Variants in SVIL observed in about 807,000 individuals in gnomAD.
The protein encoded by SVIL is supervillin, also known as archvillin.
SVIL carries 101 observed loss-of-function variants against 240.4 expected under a neutral mutation model. The ratio of observed to expected loss-of-function variants is 0.42; its 90% confidence interval spans 0.36 to 0.50. The LOEUF is 0.50. Ranked by LOEUF, SVIL falls within the 20% of genes least tolerant of loss-of-function variation. SVIL has a pLI of 0.01. For synonymous variants in SVIL, 999 were observed against 1,100.0 expected (o/e 0.91, Z 1.82); for missense variants, 2,512 against 2,818.7 (o/e 0.89, Z 2.46).
At chr10:29,625,114 G>A (rs1589413183) in intron 1 of SVIL, among the ~76,000 whole-genome samples, 1 of 151,734 alleles carries the variant, frequency 6.6e-6, no homozygotes, top group African/African-American at 2.4e-5. Flanking sequence ...CAAAGTTTCA[G>A]TTGTAAGTTA....
chr10:29,589,797 T>C (rs1589335751), intron 1 of SVIL, among the ~76,000 whole-genome samples: 1 of 152,152 alleles, frequency 6.6e-6, no homozygotes, highest in Admixed American at 6.5e-5. Context: ...AAACTGAAGA[T>C]AGTAATAAAA....
intron 6 of SVIL, among the ~76,000 whole-genome samples, chr10:29,547,126 G>A (rs114599638): frequency 6.6e-6 from 1 of 152,124 alleles, no homozygotes; most frequent in Non-Finnish European, 1.5e-5. Flanking sequence ...TCCCTAAATA[G>A]GAATCAGAAA....
At chr10:29,692,245 C>A (rs938931637) in intron 1 of SVIL, among the ~76,000 whole-genome samples, 2 of 152,174 alleles carry the variant, frequency 1.3e-5, no homozygotes, top group Non-Finnish European at 2.9e-5. Flanking sequence ...TTACTAGACT[C>A]ACTAACAACC....
intron 2 of SVIL, among the ~76,000 whole-genome samples, chr10:29,568,637 CATGATG>C (rs1342013954): frequency 3.3e-5 from 5 of 152,164 alleles, no homozygotes; most frequent in Admixed American, 3.3e-4. Flanking sequence ...CTCTTACATC[CATGATG>C]ATGTGTCATG....
At position 29,568,787 on chromosome 10, in the gene SVIL, GTGGA is replaced by G. The variant is rs10667163; in HGVS notation, c.-143+464_-143+467del. 3.9e-3 allele frequency among the ~76,000 whole-genome samples: 550 copies of G among 139,778 alleles called. 2 individuals carry two copies. Among genetic ancestry groups the G allele is most frequent in the Admixed American group, 8.2e-3 (108 of 13,150 alleles). 91.7% of individuals were successfully genotyped at this position (139,778 alleles called of 152,430 possible). On this transcript the variant is annotated intron_variant, in intron 2 of 37. Transcript: ENST00000355867. ...ATAACTCACATGGATGGGTGGATGGGTGGATGGATGGATGGATGGATGGATGGAT... is the reference window on the plus strand; with the variant it reads ...ATAACTCACATGGATGGGTGGATGGGTGGATGGATGGATGGATGGATGGAT...
At chr10:29,527,813 C>G (rs927848190) in intron 12 of SVIL, among the ~76,000 whole-genome samples, 1 of 150,270 alleles carries the variant, frequency 6.7e-6, no homozygotes, top group Non-Finnish European at 1.5e-5. Flanking sequence ...GCAGCCTCCA[C>G]CTCCTGGGTT....
chr10:29,537,721 G>T (rs923464718), intron 6 of SVIL, among the ~76,000 whole-genome samples: 4 of 152,142 alleles, frequency 2.6e-5, no homozygotes, highest in African/African-American at 9.7e-5. Flanking sequence ...AAATCATTTT[G>T]GTTTGAGTTT....
chr10:29,703,029 G>A (rs1052013405), intron 1 of SVIL, among the ~76,000 whole-genome samples: 6 of 152,074 alleles, frequency 3.9e-5, no homozygotes, highest in Admixed American at 1.3e-4. Flanking sequence ...TTAGGCTCTC[G>A]TCCAAGACAG....
At chr10:29,579,197 G>A (rs1031984520) in intron 1 of SVIL, among the ~76,000 whole-genome samples, 2 of 151,990 alleles carry the variant, frequency 1.3e-5, no homozygotes, top group African/African-American at 4.8e-5. Context: ...CAGCACTTTG[G>A]GAGGCCGAGG....
rs540861977 is a variant in SVIL, at chr10:29,486,199, A to G, written c.4665T>C (p.Tyr1555=). 17 of 1,614,248 alleles carry G rather than the reference A, an allele frequency of 1.1e-5. No individual in the cohort carries two copies. The African/African-American group carries it at 2.0e-4, about 19-fold the overall frequency. ...SAGDPKEDEL[Y]EAAIIETNCI... The stretch of plus-strand genomic sequence containing the variant: ...AGTTAGTTTCTATTATGGCTGCTTC[A>G]TAGAGTTCATCTTCTTTTGGGTCTC... Residue 1555 remains tyrosine, a synonymous_variant, in exon 26 of 38, where the codon TAT becomes TAC. Coordinates refer to ENST00000355867, the MANE Select transcript of SVIL (RefSeq NM_021738.3).
At chr10:29,589,360 G>A (rs1051869994) in intron 1 of SVIL, among the ~76,000 whole-genome samples, 42 of 152,288 alleles carry the variant, frequency 2.8e-4, no homozygotes, top group African/African-American at 7.7e-4. Context: ...ACAGTGTGGT[G>A]GGAATCTGGA....
At chr10:29,569,769 G>C (rs1021486828) in intron 1 of SVIL, among the ~76,000 whole-genome samples, 14 of 152,116 alleles carry the variant, frequency 9.2e-5, no homozygotes, top group African/African-American at 3.1e-4. Flanking sequence ...GAAGAGCAAA[G>C]GACAACTCAG....
At chr10:29,638,401 G>A (rs970622244), upstream of SVIL, among the ~76,000 whole-genome samples, 7 of 152,014 alleles carry the variant, frequency 4.6e-5, no homozygotes, top group Non-Finnish European at 8.8e-5. Flanking sequence ...GGGAGGCGGA[G>A]GTTGCAGTGA....
intron 1 of SVIL, among the ~76,000 whole-genome samples, chr10:29,633,060 C>T (rs1305478631): frequency 3.3e-5 from 5 of 151,782 alleles, no homozygotes; most frequent in African/African-American, 4.8e-5. Flanking sequence ...AGTGAAACCC[C>T]GTCTCTACTA....
At chr10:29,565,365 C>A (rs1218183129) in intron 2 of SVIL, among the ~76,000 whole-genome samples, 1 of 152,202 alleles carries the variant, frequency 6.6e-6, no homozygotes, top group Non-Finnish European at 1.5e-5. Flanking sequence ...ATAGTGCCAG[C>A]ACCCATGTGA....
intron 1 of SVIL, among the ~76,000 whole-genome samples, chr10:29,581,956 C>T: frequency 6.6e-6 from 1 of 152,164 alleles, no homozygotes; most frequent in East Asian, 1.9e-4. Flanking sequence ...GTGAAATAAG[C>T]CAGTCACCAA....
In SVIL at chr10:29,558,052, C is replaced by A. The variant is rs139956158; in HGVS notation, c.-50-2944G>T. Among the ~76,000 whole-genome samples, 340 of 152,270 alleles carry A rather than the reference C, an allele frequency of 2.2e-3. 2 individuals carry two copies. The highest frequency in any genetic ancestry group is 7.8e-3 in the African/African-American group (323 of 41,538). ...ATTTCTAAAGCCCCTTAGGGACTGC[C>A]CTAAATTGAGAACCATTGAGAATCA... On this transcript the variant is annotated intron_variant, in intron 3 of 37. Coordinates refer to ENST00000355867, the MANE Select transcript of SVIL (RefSeq NM_021738.3).
rs185155280 is a variant in SVIL, at chr10:29,569,842, G to C, written c.-200-530C>G. On this transcript the variant is annotated intron_variant, in intron 1 of 37. Transcript: ENST00000355867. The stretch of plus-strand genomic sequence containing the variant: ...AACCAATAAAAATAACTATTTATTT[G>C]TATTTTGAAGACAAGATAGGTATTA... 6.0e-4 allele frequency among the ~76,000 whole-genome samples: 91 copies of C among 152,298 alleles called. 2 individuals are homozygous for C. Among genetic ancestry groups the C allele is most frequent in the Admixed American group, 3.4e-3 (52 of 15,292 alleles).
chr10:29,568,863 A>G lies in SVIL; in HGVS notation c.-143+392T>C, dbSNP rs1302910888. 2.0e-5 allele frequency among the ~76,000 whole-genome samples: 3 copies of G among 151,646 alleles called. No homozygotes were observed. In the East Asian group the frequency reaches 5.8e-4, roughly 29 times the overall value. On this transcript the variant is annotated intron_variant, in intron 2 of 37. Coordinates refer to ENST00000355867, the MANE Select transcript of SVIL (RefSeq NM_021738.3). ...TGTGTATGTGTGTGTGTCTATGGAA[A>G]AAGGGAGGGAGGGAGCAGAGGAAGG... is the stretch of plus-strand genomic sequence containing the variant.
Sources: gnomAD v4.1 joint callset for allele counts (sites outside exome capture counted in the v4.1 genomes callset) on GRCh38, gnomAD v4.1.1 for gene constraint, MANE v1.5 for transcripts, NCBI Gene and HGNC (gene_info 2026-07-23, HGNC 2026-07-21) for gene names.